Variants in CDK8 observed in about 807,000 individuals in gnomAD.
CDK8 encodes cyclin-dependent kinase 8.
In CDK8, 29 loss-of-function variants were observed where a neutral mutation model predicts 71.5. That is an observed-to-expected ratio of 0.41 (90% confidence interval 0.30 to 0.55). The LOEUF (loss-of-function observed/expected upper bound fraction) is 0.55, where lower values mean the gene tolerates loss of function less well. Among genes scored for constraint, CDK8 ranks in the 20% least tolerant of loss-of-function variants. CDK8 has a pLI of 0.37. For synonymous variants in CDK8, 161 were observed against 192.1 expected (o/e 0.84, Z 1.34); for missense variants, 288 against 572.6 (o/e 0.50, Z 5.07).
chr13:26,267,292 A>G (rs976778789), intron 1 of CDK8, among the ~76,000 whole-genome samples: 5 of 152,214 alleles, frequency 3.3e-5, no homozygotes, highest in Non-Finnish European at 5.9e-5. Flanking sequence ...GTAGAATTTC[A>G]GGTCAAAGGT....
chr13:26,315,843 G>A (rs1175495569), intron 1 of CDK8, among the ~76,000 whole-genome samples: 1 of 152,220 alleles, frequency 6.6e-6, no homozygotes, highest in African/African-American at 2.4e-5. Context: ...AGAGTAGGAA[G>A]CACCAGGAAC....
intron 1 of CDK8, among the ~76,000 whole-genome samples, chr13:26,298,228 G>A (rs946774410): frequency 2.0e-5 from 3 of 152,044 alleles, no homozygotes; most frequent in African/African-American, 4.8e-5. Flanking sequence ...ACAGTAGTGT[G>A]GAGTCTATAA....
intron 1 of CDK8, among the ~76,000 whole-genome samples, chr13:26,299,980 C>T (rs1196353354): frequency 6.6e-6 from 1 of 151,946 alleles, no homozygotes; most frequent in African/African-American, 2.4e-5. Flanking sequence ...CAGAAATGAG[C>T]CATGGGCTGA....
chr13:26,257,919 TGTGAGAGA>T (rs1871598699), intron 1 of CDK8, among the ~76,000 whole-genome samples: 1 of 141,478 alleles, frequency 7.1e-6, no homozygotes, highest in African/African-American at 3.1e-5. Flanking sequence ...TGTGTGTGTG[TGTGAGAGA>T]GAGAGAGATA....
At chr13:26,396,869 A>T (rs75228184) in intron 8 of CDK8, among the ~76,000 whole-genome samples, 4,149 of 152,186 alleles carry the variant, frequency 0.027, 81 homozygotes, top group Admixed American at 0.039. Context: ...GATGTTATTT[A>T]AAATAATTGT....
rs1202357491 is a variant in CDK8, at chr13:26,337,697, T to C, written c.204+55T>C. 16 of 696,054 alleles carry C rather than the reference T, an allele frequency of 2.3e-5. No homozygotes were observed. The East Asian group carries it at 4.7e-4, about 20-fold the overall frequency. The allele number at this position is 696,054 out of a possible 1,614,324, so 43.1% of individuals were successfully genotyped here. ...TATCAACTGACTTATGAGTACCAAC[T>C]ATATAAGGCTCTGTATTGTATTTGT... On this transcript the variant is annotated intron_variant, in intron 2 of 12. Coordinates refer to ENST00000381527, the MANE Select transcript of CDK8 (RefSeq NM_001260.3).
chr13:26,312,257 C>A (rs1469383812), intron 1 of CDK8, among the ~76,000 whole-genome samples: 1 of 152,106 alleles, frequency 6.6e-6, no homozygotes, highest in Admixed American at 6.5e-5. Flanking sequence ...TGGGTGGGGA[C>A]AAATAAGTTA....
intron 4 of CDK8, among the ~76,000 whole-genome samples, chr13:26,367,759 G>C (rs1271264775): frequency 6.6e-6 from 1 of 152,170 alleles, no homozygotes; most frequent in East Asian, 1.9e-4. Flanking sequence ...TGAATAAGTA[G>C]ATTTTTTTGT....
intron 6 of CDK8, among the ~76,000 whole-genome samples, chr13:26,388,893 C>G (rs1361711668): frequency 6.6e-6 from 1 of 152,126 alleles, no homozygotes; most frequent in Non-Finnish European, 1.5e-5. Flanking sequence ...TGGGTAACTA[C>G]TATGTTAGGA....
At chr13:26,263,228 C>T (rs1166360589) in intron 1 of CDK8, among the ~76,000 whole-genome samples, 1 of 151,944 alleles carries the variant, frequency 6.6e-6, no homozygotes, top group Non-Finnish European at 1.5e-5. Flanking sequence ...CTCCGCTTCC[C>T]GGGTTCACGC....
chr13:26,262,188 C>T (rs1009503018), intron 1 of CDK8, among the ~76,000 whole-genome samples: 2 of 152,216 alleles, frequency 1.3e-5, no homozygotes, highest in African/African-American at 4.8e-5. Flanking sequence ...CCACTTTACC[C>T]GTCACCCTGC....
At chr13:26,282,246 A>G (rs1289783641) in intron 1 of CDK8, among the ~76,000 whole-genome samples, 1 of 152,212 alleles carries the variant, frequency 6.6e-6, no homozygotes, top group Non-Finnish European at 1.5e-5. Flanking sequence ...CAAAAAGATC[A>G]TCACCCACAC....
At chr13:26,294,763 G>A (rs1014708359) in intron 1 of CDK8, among the ~76,000 whole-genome samples, 4 of 151,746 alleles carry the variant, frequency 2.6e-5, no homozygotes, top group Admixed American at 2.0e-4. Context: ...GTTTTGTTTT[G>A]TTTTTTGAGA....
chr13:26,294,853 G>C (rs1373331786), intron 1 of CDK8, among the ~76,000 whole-genome samples: 1 of 151,838 alleles, frequency 6.6e-6, no homozygotes, highest in African/African-American at 2.4e-5. Flanking sequence ...GGGTTCAAGC[G>C]ATTACCCCGC....
chr13:26,321,584 G>A (rs138890635), intron 1 of CDK8, among the ~76,000 whole-genome samples: 131 of 152,242 alleles, frequency 8.6e-4, no homozygotes, highest in East Asian at 5.2e-3. Flanking sequence ...AAGTGACAAT[G>A]TGTGTAATAA....
chr13:26,316,487 A>AC (rs1874520758), intron 1 of CDK8, among the ~76,000 whole-genome samples: 1 of 152,154 alleles, frequency 6.6e-6, no homozygotes, highest in South Asian at 2.1e-4. Flanking sequence ...AAAAGCTGCC[A>AC]CCTCTATCCT....
rs373824101 is a variant in CDK8, at chr13:26,390,908, A to C, written c.647-2459A>C. 2.6e-5 allele frequency among the ~76,000 whole-genome samples: 4 copies of C among 152,128 alleles called. No individual in the cohort carries two copies. In the East Asian group the frequency reaches 7.7e-4, roughly 29 times the overall value. ...CATCACACATTTTGAGAAGTAGATG[A>C]AACTTATATGTTTTTAATTTGGAAA... On this transcript the variant is annotated intron_variant, in intron 6 of 12. Coordinates refer to ENST00000381527, the MANE Select transcript of CDK8 (RefSeq NM_001260.3).
At chr13:26,264,351 TC>T (rs1196435851) in intron 1 of CDK8, among the ~76,000 whole-genome samples, 1 of 152,094 alleles carries the variant, frequency 6.6e-6, no homozygotes, top group Non-Finnish European at 1.5e-5. Flanking sequence ...TGTGGTGCAA[TC>T]ATGGCTCACT....
intron 4 of CDK8, among the ~76,000 whole-genome samples, chr13:26,356,641 C>G (rs12100305): frequency 0.06 from 9,155 of 152,238 alleles, 933 homozygotes; most frequent in African/African-American, 0.21. Context: ...TTCCTGCCAA[C>G]TGAAAAAGTT....
Sources: allele counts gnomAD v4.1 joint callset (sites outside exome capture counted in the v4.1 genomes callset), GRCh38; gene constraint gnomAD v4.1.1; transcripts MANE v1.5; gene names NCBI Gene and HGNC (gene_info 2026-07-23, HGNC 2026-07-21).